Variants in SPTBN2 observed in about 807,000 individuals in gnomAD.
SPTBN2 encodes the protein spectrin beta, non-erythrocytic 2, also known as spectrin beta chain, non-erythrocytic 2.
SPTBN2 carries 107 observed loss-of-function variants against 284.2 expected under a neutral mutation model. That is an observed-to-expected ratio of 0.38 (90% CI 0.32 to 0.44). The LOEUF (loss-of-function observed/expected upper bound fraction) is 0.44. SPTBN2 is among the 20% of genes least tolerant of loss of function. The pLI is 1.00. For missense variants in SPTBN2, 2,569 were observed against 3,287.1 expected (o/e 0.78, Z 5.34); for synonymous variants, 1,289 against 1,354.8 (o/e 0.95, Z 1.07).
rs1427530674 is a variant in SPTBN2 at position 66,700,852 on chromosome 11, G to T, written c.3247C>A (p.Arg1083Ser). 8 of 1,599,984 alleles carry T rather than the reference G, an allele frequency of 5.0e-6. No homozygotes were observed. The highest frequency in any genetic ancestry group is 6.8e-6 in the Non-Finnish European group (8 of 1,179,808). ...TCAGAGGCCACAGCAGTCTGAGTGC[G>T]GCCTAGCCAGGCCTGGAAGTCATCC... ...SLDDFQAWLG[R>S]TQTAVASEEG... Residue 1083 changes from arginine (R) to serine (S), a missense_variant, in exon 17 of 38, where the codon CGC becomes AGC. Around this residue, in one of 6 missense-constraint regions of SPTBN2, gnomAD observed 1,012 missense variants for 1,248.9 expected, o/e 0.81. Transcript: ENST00000533211. This position sits in a 1 kb window ranked among gnomAD's most constrained non-coding sequence, Gnocchi z 6.6.
chr11:66,702,519 G>C (rs1171083109), intron 15 of SPTBN2, among the ~76,000 whole-genome samples: 5 of 152,190 alleles, frequency 3.3e-5, no homozygotes, highest in Non-Finnish European at 7.3e-5. Flanking sequence ...TGAAGGGCTT[G>C]ATGGTAAATA....
Position 66,687,656 on chromosome 11 carries a change from G to T in SPTBN2, c.6502-9C>A. The T allele has an allele frequency of 6.3e-7, 1 of 1,586,776 alleles. No homozygotes were observed. The highest frequency in any genetic ancestry group is 1.3e-5 in the African/African-American group (1 of 74,414). Reference sequence around the variant, plus strand: ...TCCCCTGAGCCAGGTCCCTGGGGGGGAATCAGTGTCAGTGTCAAAGGTTGA... The same window carrying T: ...TCCCCTGAGCCAGGTCCCTGGGGGGTAATCAGTGTCAGTGTCAAAGGTTGA... On this transcript the variant is annotated splice_polypyrimidine_tract_variant and intron_variant, in intron 34 of 37. Transcript: ENST00000533211. The surrounding 1 kb of genome is among the most constrained non-coding windows in gnomAD (Gnocchi z 5.2).
intron 1 of SPTBN2, among the ~76,000 whole-genome samples, chr11:66,723,870 T>C (rs1433832660): frequency 2.6e-5 from 4 of 152,152 alleles, no homozygotes; most frequent in African/African-American, 9.7e-5. Context: ...AGTCCACACC[T>C]CAGGACCAAG....
rs545271103 is a variant in SPTBN2 at position 66,721,448 on chromosome 11, C to G, written c.-113-8G>C. 1.2e-4 allele frequency: 77 copies of G among 654,356 alleles called. No individual in the cohort carries two copies. The Admixed American group carries it at 1.7e-3, about 14-fold the overall frequency. The allele number at this position is 654,356 out of a possible 1,614,324, so 40.5% of individuals were successfully genotyped here. A position where few individuals can be genotyped will look rare whatever the true frequency, so the allele number is the denominator to read the frequency against. ...GGAAGCCACCTGGGAAGCCTGGGGA[C>G]GGGAATACATCAGAAGCACAGAAAG... On this transcript the variant is annotated splice_region_variant and splice_polypyrimidine_tract_variant and intron_variant, in intron 1 of 37. Coordinates refer to ENST00000533211, the MANE Select transcript of SPTBN2 (RefSeq NM_006946.4).
intron 29 of SPTBN2, chr11:66,689,465 G>C (rs1940387027): frequency 3.8e-6 from 2 of 521,308 alleles, no homozygotes; most frequent in Non-Finnish European, 6.9e-6. Flanking sequence ...GTGGAAACGG[G>C]GTTTCACCAT....
At chr11:66,701,560 C>T in intron 16 of SPTBN2, 24 bp downstream of exon 16, 1 of 1,614,118 alleles carries the variant, frequency 6.2e-7, no homozygotes, top group Non-Finnish European at 8.5e-7. Context: ...TGTCAGTTTC[C>T]TGGTCCTGCC....
rs557577438 is a variant in SPTBN2, at chr11:66,699,041, C to T, written c.3818G>A (p.Arg1273His). 3.5e-5 allele frequency: 56 copies of T among 1,614,240 alleles called. No individual in the cohort carries two copies. In the Admixed American group the frequency reaches 7.3e-4, roughly 21 times the overall value. ...NQDAAQQFLG[R>H]LRDNREQQHF... ...CTGCTGCTCCCGGTTGTCCCGAAGA[C>T]GGCCCAGAAATTGCTGCGCTGCGTC... The change falls in exon 19 of 38, where the codon CGT becomes CAT. Residue 1273 changes from arginine to histidine, a missense_variant. Transcript: ENST00000533211.
Position 66,685,877 on chromosome 11 carries a change from G to T in SPTBN2, c.7167C>A (p.Asn2389Lys). ...REKRFSFFKK[N>K]K is the part of the protein sequence containing the mutation. ...CCTGGGACCTTGCCCCCAACTACTTGTTCTTCTTAAAGAAGCTGAAGCGTT... is the reference window on the plus strand; with the variant it reads ...CCTGGGACCTTGCCCCCAACTACTTTTTCTTCTTAAAGAAGCTGAAGCGTT... The change falls in exon 38 of 38, where the codon AAC (asparagine) becomes AAA (lysine). Residue 2389 changes from asparagine to lysine, a missense_variant. Coordinates refer to ENST00000533211, the MANE Select transcript of SPTBN2 (RefSeq NM_006946.4). The surrounding 1 kb of genome is among the most constrained non-coding windows in gnomAD (Gnocchi z 4.4). The T allele has an allele frequency of 1.2e-6, 2 of 1,613,776 alleles. No homozygotes were observed. The highest frequency in any genetic ancestry group is 1.7e-6 in the Non-Finnish European group (2 of 1,180,004).
In SPTBN2 at chr11:66,687,811, C is replaced by A; in HGVS notation, c.6501+57G>T. 6.2e-7 allele frequency: 1 copy of A among 1,609,686 alleles called. No homozygotes were observed. Among genetic ancestry groups the A allele is most frequent in the East Asian group, 2.2e-5 (1 of 44,856 alleles). On this transcript the variant is annotated intron_variant, in intron 34 of 37. Coordinates refer to ENST00000533211, the MANE Select transcript of SPTBN2 (RefSeq NM_006946.4). This position sits in a 1 kb window ranked among gnomAD's most constrained non-coding sequence, Gnocchi z 5.2. ...AGTACTCCCCCACCCGCACTCACCA[C>A]CCCCTCTGGACCCTTCGCCTCACAG... is the stretch of plus-strand genomic sequence containing the variant.
Position 66,688,634 on chromosome 11 carries a change from G to A in SPTBN2, c.6231+19C>T, listed in dbSNP as rs753392252. On this transcript the variant is annotated intron_variant, in intron 31 of 37. Coordinates refer to ENST00000533211, the MANE Select transcript of SPTBN2 (RefSeq NM_006946.4). ...GGGGAGCAGGTTGGAGTGGGCATCCGGGGTCCTGTGTCCCTCACCGCAGTA... is the reference window on the plus strand; with the variant it reads ...GGGGAGCAGGTTGGAGTGGGCATCCAGGGTCCTGTGTCCCTCACCGCAGTA... The A allele has an allele frequency of 9.9e-6, 16 of 1,613,390 alleles. No homozygotes were observed. The highest frequency in any genetic ancestry group is 1.7e-5 in the Admixed American group (1 of 60,008).
chr11:66,706,120 G>A (rs753496796), intron 13 of SPTBN2, among the ~76,000 whole-genome samples: 9 of 151,970 alleles, frequency 5.9e-5, no homozygotes, highest in Non-Finnish European at 8.8e-5. Flanking sequence ...TGCCGCCACC[G>A]CTCCGCCCCA....
intron 8 of SPTBN2, 81 bp downstream of exon 8, chr11:66,713,550 C>T: frequency 9.3e-7 from 1 of 1,071,120 alleles, no homozygotes; most frequent in South Asian, 1.2e-5. Flanking sequence ...CCATGTCTTC[C>T]CCCTCCGCAG....
chr11:66,689,072 C>T (rs1271823120), intron 30 of SPTBN2, 24 bp downstream of exon 30: 1 of 1,593,638 alleles, frequency 6.3e-7, no homozygotes, highest in Non-Finnish European at 8.6e-7. Flanking sequence ...CCCCACAGGG[C>T]CTGGGGCCCC....
At chr11:66,740,183 G>A (rs1366890581) in intron 1 of SPTBN2, among the ~76,000 whole-genome samples, 3 of 152,200 alleles carry the variant, frequency 2.0e-5, no homozygotes, top group Non-Finnish European at 2.9e-5. Flanking sequence ...ATCAGACTTT[G>A]TGCAAAGGGT....
chr11:66,723,583 G>A (rs1019770159), intron 1 of SPTBN2, among the ~76,000 whole-genome samples: 9 of 152,136 alleles, frequency 5.9e-5, no homozygotes, highest in African/African-American at 2.2e-4. Flanking sequence ...CTTGGGAGGA[G>A]CATTAATGAG....
chr11:66,694,111 C>T (rs552321585), intron 22 of SPTBN2, 28 bp downstream of exon 22: 1 of 1,600,218 alleles, frequency 6.2e-7, no homozygotes, highest in African/African-American at 1.3e-5. Context: ...CTGGGGGCAG[C>T]TTGCCGTCCT....
At chr11:66,709,911 G>T (rs1210171247) in intron 10 of SPTBN2, among the ~76,000 whole-genome samples, 1 of 152,198 alleles carries the variant, frequency 6.6e-6, no homozygotes, top group Non-Finnish European at 1.5e-5. Context: ...CACCCATGTT[G>T]CCGGTTGTGA....
chr11:66,707,384 G>A lies in SPTBN2; in HGVS notation c.1653+132C>T. On this transcript the variant is annotated intron_variant, in intron 13 of 37. Coordinates refer to ENST00000533211, the MANE Select transcript of SPTBN2 (RefSeq NM_006946.4). This position sits in a 1 kb window ranked among gnomAD's most constrained non-coding sequence, Gnocchi z 4.9. ...CAGGGCCCTGTTTACTTTGTTCCCT[G>A]CAACTGGGGACAGGGCCCTGTGCTG... 1.0e-6 allele frequency: 1 copy of A among 960,634 alleles called. No individual in the cohort carries two copies. Among genetic ancestry groups the A allele is most frequent in the East Asian group, 2.6e-5 (1 of 37,900 alleles). 59.5% of individuals were successfully genotyped at this position (960,634 alleles called of 1,614,324 possible).
chr11:66,687,967 C>A lies in SPTBN2; in HGVS notation c.6450+37G>T, dbSNP rs373454822. Reference sequence around the variant, plus strand: ...AGGATGTGCGGGGGTGGAGGGGCTACGACTCCGATGGGGGCACAGAGGGAC... The same window carrying A: ...AGGATGTGCGGGGGTGGAGGGGCTAAGACTCCGATGGGGGCACAGAGGGAC... On this transcript the variant is annotated intron_variant, in intron 33 of 37. Transcript: ENST00000533211. The surrounding 1 kb of genome is among the most constrained non-coding windows in gnomAD (Gnocchi z 5.2). 1 of 1,614,006 alleles carries A rather than the reference C, an allele frequency of 6.2e-7. No homozygotes were observed. The highest frequency in any genetic ancestry group is 1.3e-5 in the African/African-American group (1 of 74,920).
Sources: allele counts gnomAD v4.1 joint callset (sites outside exome capture counted in the v4.1 genomes callset), GRCh38; gene constraint gnomAD v4.1.1; regional missense constraint gnomAD v4.1.1; non-coding constraint Gnocchi (gnomAD v3.1); transcripts MANE v1.5; gene names NCBI Gene and HGNC (gene_info 2026-07-23, HGNC 2026-07-21).